Variants in PPP4R3B observed in about 807,000 individuals in gnomAD.
PPP4R3B encodes serine/threonine-protein phosphatase 4 regulatory subunit 3B.
Under a neutral mutation model 95.4 loss-of-function variants are expected in PPP4R3B, and 52 were observed. The ratio of observed to expected loss-of-function variants is 0.54; its 90% CI spans 0.44 to 0.69. The LOEUF is 0.69. PPP4R3B is among the 30% of genes least tolerant of loss of function. The pLI is 0.00. For synonymous variants in PPP4R3B, 407 were observed against 343.9 expected (o/e 1.18, Z -2.03); for missense variants, 1,003 against 1,005.9 (o/e 1.00, Z 0.04).
At chr2:55,591,263 TG>T (rs958847363) in intron 4 of PPP4R3B, among the ~76,000 whole-genome samples, 1 of 151,316 alleles carries the variant, frequency 6.6e-6, no homozygotes, top group Non-Finnish European at 1.5e-5. Context: ...CAGACTCCCA[TG>T]TAACAGAGAC....
intron 3 of PPP4R3B, among the ~76,000 whole-genome samples, chr2:55,602,299 G>GGTGT: frequency 6.6e-6 from 1 of 152,152 alleles, no homozygotes; most frequent in Non-Finnish European, 1.5e-5. Flanking sequence ...ACACAAATAT[G>GGTGT]ATCATTTTGG....
At chr2:55,560,202 G>C (rs981420236) in intron 15 of PPP4R3B, among the ~76,000 whole-genome samples, 18 of 152,188 alleles carry the variant, frequency 1.2e-4, no homozygotes, top group African/African-American at 4.1e-4. Context: ...GGAGGGCTTA[G>C]AAAAAGACAG....
chr2:55,593,966 T>C (rs1691399930), intron 4 of PPP4R3B, among the ~76,000 whole-genome samples: 1 of 152,292 alleles, frequency 6.6e-6, no homozygotes, highest in Admixed American at 6.5e-5. Context: ...ATATACACTG[T>C]GGAATACAAA....
rs1642838342 is a variant in PPP4R3B, at chr2:55,548,194, C to T, written c.*1717G>A. The T allele has an allele frequency of 6.6e-6, 1 of 152,378 alleles. No individual in the cohort carries two copies. The highest frequency in any genetic ancestry group is 2.4e-5 in the African/African-American group (1 of 41,418). 9.4% of individuals were successfully genotyped at this position (152,378 alleles called of 1,614,324 possible). Reference sequence around the variant, plus strand: ...AAGGCTTACCTTCTATAAGTAGTCACTGATAAAGTGCCATTGACCCGCATT... The same window carrying T: ...AAGGCTTACCTTCTATAAGTAGTCATTGATAAAGTGCCATTGACCCGCATT... On this transcript the variant is annotated 3_prime_UTR_variant, in exon 17 of 17. Transcript: ENST00000616407.
chr2:55,595,053 C>CT (rs1270084565), intron 4 of PPP4R3B, among the ~76,000 whole-genome samples: 1 of 144,172 alleles, frequency 6.9e-6, no homozygotes, highest in African/African-American at 2.6e-5. Context: ...TTCAGACAGT[C>CT]TCGCTCTGTC....
chr2:55,587,842 G>A (rs1690372908), intron 5 of PPP4R3B, among the ~76,000 whole-genome samples: 2 of 152,060 alleles, frequency 1.3e-5, no homozygotes, highest in African/African-American at 4.8e-5. Context: ...TTGAGAAAAC[G>A]AAGTAGGCTA....
Position 55,548,636 on chromosome 2 carries a change from C to T in PPP4R3B, c.*1275G>A, listed in dbSNP as rs1350435054. The T allele has an allele frequency of 2.0e-5, 3 of 152,434 alleles. No individual in the cohort carries two copies. Among genetic ancestry groups the T allele is most frequent in the Non-Finnish European group, 4.4e-5 (3 of 68,010 alleles). 9.4% of individuals were successfully genotyped at this position (152,434 alleles called of 1,614,324 possible). ...TAAACGATTCCAGGAAAAATGGACCCGTAACACATTACAAGGGTGATCTAA... is the reference window on the plus strand; with the variant it reads ...TAAACGATTCCAGGAAAAATGGACCTGTAACACATTACAAGGGTGATCTAA... On this transcript the variant is annotated 3_prime_UTR_variant, in exon 17 of 17. Transcript: ENST00000616407.
chr2:55,600,203 G>A (rs2103689350), intron 3 of PPP4R3B, among the ~76,000 whole-genome samples: 1 of 152,172 alleles, frequency 6.6e-6, no homozygotes, highest in East Asian at 1.9e-4. Context: ...AAGTTGGGCG[G>A]ATCACCTGAG....
At chr2:55,599,133 C>A (rs1447408645) in intron 3 of PPP4R3B, 94 bp from the exon 4 acceptor site, 2 of 1,181,248 alleles carry the variant, frequency 1.7e-6, no homozygotes, top group Non-Finnish European at 2.3e-6. Flanking sequence ...TGGCTAGTCA[C>A]TACTAATTAA....
intron 4 of PPP4R3B, among the ~76,000 whole-genome samples, chr2:55,593,334 AT>A (rs1559020560): frequency 1.3e-5 from 2 of 152,172 alleles, no homozygotes; most frequent in African/African-American, 4.8e-5. Flanking sequence ...GCCACTGACT[AT>A]GCTAAGTACT....
Position 55,575,846 on chromosome 2 carries a change from A to G in PPP4R3B, c.1606+1469T>C, listed in dbSNP as rs546452253. On this transcript the variant is annotated intron_variant, in intron 11 of 16. Coordinates refer to ENST00000616407, the MANE Select transcript of PPP4R3B (RefSeq NM_001122964.3). ...CTATTTTATTTGAGATTATATACAT[A>G]AATATTTTGGGGAACTACAATGCTA... 3.9e-5 allele frequency among the ~76,000 whole-genome samples: 6 copies of G among 152,348 alleles called. 1 individual carries two copies. The East Asian group carries it at 1.2e-3, about 29-fold the overall frequency.
chr2:55,596,710 C>T (rs1691824586), intron 4 of PPP4R3B, among the ~76,000 whole-genome samples: 1 of 152,252 alleles, frequency 6.6e-6, no homozygotes, highest in Non-Finnish European at 1.5e-5. Context: ...CGCCTGTAAT[C>T]CCAGCACTTT....
chr2:55,548,855 C>T lies in PPP4R3B; in HGVS notation c.*1056G>A, dbSNP rs964942359. On this transcript the variant is annotated 3_prime_UTR_variant, in exon 17 of 17. Coordinates refer to ENST00000616407, the MANE Select transcript of PPP4R3B (RefSeq NM_001122964.3). ...TCAATTTATTTTTAAAATTCACTTA[C>T]GTATATGGAATGTGCTTTTACTCTT... 6.6e-6 allele frequency: 1 copy of T among 152,614 alleles called. No individual in the cohort carries two copies. The highest frequency in any genetic ancestry group is 1.9e-4 in the East Asian group (1 of 5,194). 9.5% of individuals were successfully genotyped at this position (152,614 alleles called of 1,614,324 possible).
At chr2:55,553,758 A>C (rs1463539951) in intron 16 of PPP4R3B, among the ~76,000 whole-genome samples, 2 of 152,246 alleles carry the variant, frequency 1.3e-5, no homozygotes, top group African/African-American at 4.8e-5. Context: ...TTTCAAAGTT[A>C]ATCTATGCTT....
intron 15 of PPP4R3B, among the ~76,000 whole-genome samples, chr2:55,559,472 T>C (rs554227610): frequency 1.4e-4 from 21 of 152,300 alleles, no homozygotes; most frequent in African/African-American, 4.6e-4. Context: ...CCCACCCAAA[T>C]CGCAAATCAA....
Position 55,608,625 on chromosome 2 carries a change from T to C in PPP4R3B, c.199-4549A>G, listed in dbSNP as rs551469014. Among the ~76,000 whole-genome samples, 17 of 152,294 alleles carry C rather than the reference T, an allele frequency of 1.1e-4. 1 individual carries two copies. Among genetic ancestry groups the C allele is most frequent in the Admixed American group, 7.8e-4 (12 of 15,300 alleles). On this transcript the variant is annotated intron_variant, in intron 2 of 16. Transcript: ENST00000616407. The stretch of plus-strand genomic sequence containing the variant: ...TATTGCTTCTCTTCAATTCCACAGA[T>C]TGATACTATTAAGTATTTTGGATCA...
intron 2 of PPP4R3B, among the ~76,000 whole-genome samples, chr2:55,608,379 G>A (rs970709611): frequency 6.6e-6 from 1 of 152,160 alleles, no homozygotes; most frequent in African/African-American, 2.4e-5. Flanking sequence ...TATATTTAGA[G>A]TTCTTTTCCA....
Position 55,564,474 on chromosome 2 carries a change from T to G in PPP4R3B, c.2099A>C (p.Asn700Thr). 6.2e-7 allele frequency: 1 copy of G among 1,611,748 alleles called. No individual in the cohort carries two copies. The highest frequency in any genetic ancestry group is 8.5e-7 in the Non-Finnish European group (1 of 1,179,276). The change falls in exon 15 of 17, where the codon AAC (asparagine) becomes ACC (threonine). Residue 700 changes from asparagine to threonine, a missense_variant. Physicochemically the swap from Asn to Thr is moderately conservative, Grantham distance 65. Transcript: ENST00000616407. ...GGCTTTTGCATCTCTGCGAAATCTG[T>G]TACTACGCAATATAGATGGTACACT... ...LNSVPSILRS[N>T]RFRRDAKALE...
intron 9 of PPP4R3B, among the ~76,000 whole-genome samples, chr2:55,578,858 A>C (rs1689046896): frequency 1.3e-5 from 2 of 152,074 alleles, no homozygotes; most frequent in Admixed American, 6.6e-5. Flanking sequence ...ATTATGCCCC[A>C]CATATTTCTG....
Sources: gnomAD v4.1 joint callset for allele counts (sites outside exome capture counted in the v4.1 genomes callset) on GRCh38, gnomAD v4.1.1 for gene constraint, MANE v1.5 for transcripts, NCBI Gene and HGNC (gene_info 2026-07-23, HGNC 2026-07-21) for gene names.